Variants in SLC24A2 observed in about 807,000 individuals in gnomAD.
The protein encoded by SLC24A2 is sodium/potassium/calcium exchanger 2.
SLC24A2 carries 36 observed loss-of-function variants against 62.0 expected under a neutral mutation model. That is an observed-to-expected ratio of 0.58 (90% CI 0.44 to 0.77). SLC24A2 has a LOEUF of 0.77. Among genes scored for constraint, SLC24A2 ranks in the 30% least tolerant of loss-of-function variants. The pLI, the probability that SLC24A2 is intolerant of heterozygous loss-of-function variation, is 0.00. For missense variants in SLC24A2, 846 were observed against 817.9 expected, an observed-to-expected ratio of 1.03 and a Z score of -0.42; for synonymous variants, 358 against 294.0, an observed-to-expected ratio of 1.22 and a Z score of -2.23.
At chr9:20,074,539 T>A in the SLC24A2 span, among the ~76,000 whole-genome samples, 1 of 139,460 alleles carries the variant, frequency 7.2e-6, no homozygotes, top group East Asian at 2.1e-4. Flanking sequence ...ATGGAAATAA[T>A]AGGAAGAGAA....
At chr9:19,817,466 AT>A in the SLC24A2 span, among the ~76,000 whole-genome samples, 1 of 151,886 alleles carries the variant, frequency 6.6e-6, no homozygotes, top group South Asian at 2.1e-4. Flanking sequence ...TATGCAATAT[AT>A]AAATTATATA....
chr9:19,875,611 G>C, the SLC24A2 span, among the ~76,000 whole-genome samples: 1 of 152,146 alleles, frequency 6.6e-6, no homozygotes. Context: ...AAGACAGTGA[G>C]GGCCTTTGAG....
chr9:19,649,001 C>CAAAAAAAAAAA (rs66653116), intron 2 of SLC24A2, among the ~76,000 whole-genome samples: 89 of 108,658 alleles, frequency 8.2e-4, no homozygotes, highest in East Asian at 1.3e-3. Flanking sequence ...GATTAAAAAC[C>CAAAAAAAAAAA]AAAAAAAAAA....
the SLC24A2 span, among the ~76,000 whole-genome samples, chr9:20,098,278 C>T: frequency 6.6e-6 from 1 of 152,032 alleles, no homozygotes; most frequent in African/African-American, 2.4e-5. Context: ...GTGCTCAAGG[C>T]AAGGAAATGT....
chr9:19,550,109 G>T (rs369084879), intron 8 of SLC24A2, 28 bp downstream of exon 8: 1 of 1,609,514 alleles, frequency 6.2e-7, no homozygotes, highest in South Asian at 1.1e-5. Flanking sequence ...GTTTTACAAG[G>T]GAACTATTTT....
At chr9:19,649,069 C>T (rs537563794) in intron 2 of SLC24A2, among the ~76,000 whole-genome samples, 5 of 144,676 alleles carry the variant, frequency 3.5e-5, no homozygotes, top group Admixed American at 2.1e-4. Context: ...GAAAAGTGGA[C>T]ATCATCTAGA....
intron 7 of SLC24A2, among the ~76,000 whole-genome samples, chr9:19,563,650 T>A (rs1214064632): frequency 6.6e-6 from 1 of 152,172 alleles, no homozygotes; most frequent in Non-Finnish European, 1.5e-5. Flanking sequence ...ACGATGCCAA[T>A]CTGTAACAAA....
chr9:20,167,370 G>A, the SLC24A2 span, among the ~76,000 whole-genome samples: 1 of 152,000 alleles, frequency 6.6e-6, no homozygotes, highest in East Asian at 1.9e-4. Context: ...GTTGGAAGCT[G>A]AAGTTCTTAC....
the SLC24A2 span, among the ~76,000 whole-genome samples, chr9:20,185,162 GATCT>G: frequency 9.9e-5 from 15 of 152,124 alleles, no homozygotes; most frequent in African/African-American, 3.4e-4. Flanking sequence ...AAGTTCAAGA[GATCT>G]ATTATGCAAC....
the SLC24A2 span, among the ~76,000 whole-genome samples, chr9:20,123,380 T>C: frequency 6.6e-6 from 1 of 152,204 alleles, no homozygotes; most frequent in Non-Finnish European, 1.5e-5. Flanking sequence ...TTTATTAATT[T>C]TTCTCCTCAT....
chr9:19,939,961 T>G, the SLC24A2 span, among the ~76,000 whole-genome samples: 1 of 152,222 alleles, frequency 6.6e-6, no homozygotes, highest in Non-Finnish European at 1.5e-5. Flanking sequence ...CTTCCAAGTT[T>G]TTCTCCACCC....
At position 19,508,013 on chromosome 9, in the gene SLC24A2, G is replaced by C. The variant is rs754215713; in HGVS notation, c.*8140C>G. On this transcript the variant is annotated 3_prime_UTR_variant, in exon 11 of 11. Transcript: ENST00000341998. The stretch of plus-strand genomic sequence containing the variant: ...CATTTTCTTTGTTTTAACCGTATCT[G>C]AAGAACAAAAGTATAATTTCTCTTG... The C allele has an allele frequency of 6.6e-6, 1 of 152,206 alleles. No homozygotes were observed. The highest frequency in any genetic ancestry group is 1.5e-5 in the Non-Finnish European group (1 of 68,046). The allele number at this position is 152,206 out of a possible 1,614,324, so 9.4% of individuals were successfully genotyped here. A position where few individuals can be genotyped will look rare whatever the true frequency, so the allele number is the denominator to read the frequency against.
rs562963350 is a variant in SLC24A2 at position 19,535,006 on chromosome 9, C to T, written c.1480-6868G>A. The stretch of plus-strand genomic sequence containing the variant: ...TAAAAGTGTTCCTATTTCACCACAT[C>T]CTCTCCAGCACCTGTTGTTTCCTGA... On this transcript the variant is annotated intron_variant, in intron 8 of 10. Coordinates refer to ENST00000341998, the MANE Select transcript of SLC24A2 (RefSeq NM_020344.4). Among the ~76,000 whole-genome samples the T allele has an allele frequency of 1.2e-3, 181 of 152,318 alleles. 1 individual carries two copies. The highest frequency in any genetic ancestry group is 4.1e-3 in the African/African-American group (170 of 41,572).
At chr9:20,095,795 A>T in the SLC24A2 span, among the ~76,000 whole-genome samples, 1 of 152,154 alleles carries the variant, frequency 6.6e-6, no homozygotes, top group African/African-American at 2.4e-5. Flanking sequence ...TCACATTTCC[A>T]TGTGGCTGGG....
chr9:19,883,571 G>GCT, the SLC24A2 span, among the ~76,000 whole-genome samples: 5 of 147,924 alleles, frequency 3.4e-5, no homozygotes, highest in South Asian at 1.1e-3. Flanking sequence ...TCTGTACATT[G>GCT]TTTTTTTTTT....
intron 2 of SLC24A2, among the ~76,000 whole-genome samples, chr9:19,680,690 C>T (rs1426072356): frequency 1.3e-5 from 2 of 151,726 alleles, no homozygotes; most frequent in Non-Finnish European, 2.9e-5. Context: ...TTTCCCATGA[C>T]TCAGATTTAC....
intron 2 of SLC24A2, among the ~76,000 whole-genome samples, chr9:19,742,871 T>G (rs1232010182): frequency 6.6e-6 from 1 of 152,172 alleles, no homozygotes; most frequent in Non-Finnish European, 1.5e-5. Flanking sequence ...GTTGAGAAAC[T>G]GTCACTACCT....
At chr9:19,728,584 A>T (rs1033676997) in intron 2 of SLC24A2, among the ~76,000 whole-genome samples, 1 of 152,216 alleles carries the variant, frequency 6.6e-6, no homozygotes, top group South Asian at 2.1e-4. Flanking sequence ...AAGGGTCTCA[A>T]CTCTGGTGGG....
At chr9:20,301,654 C>A in the SLC24A2 span, among the ~76,000 whole-genome samples, 1 of 151,640 alleles carries the variant, frequency 6.6e-6, no homozygotes. Flanking sequence ...CCAATATACT[C>A]CATGCACCCC....
Sources: allele counts gnomAD v4.1 joint callset (sites outside exome capture counted in the v4.1 genomes callset), GRCh38; gene constraint gnomAD v4.1.1; transcripts MANE v1.5; gene names NCBI Gene and HGNC (gene_info 2026-07-23, HGNC 2026-07-21).